FBXO47: variants seen among roughly 807,000 people sequenced by gnomAD.
The protein encoded by FBXO47 is F-box protein 47.
A neutral mutation model predicts 53.9 loss-of-function variants in FBXO47; 34 were observed. The observed-to-expected ratio is 0.63, with a 90% CI of 0.48 to 0.84. The LOEUF (loss-of-function observed/expected upper bound fraction) is 0.84, where lower values mean the gene tolerates loss of function less well. FBXO47 is among the 40% of genes least tolerant of loss of function. The probability of loss-of-function intolerance (pLI) is 0.00; values close to 1 mark genes in which losing one functional copy is unlikely to be tolerated. For synonymous variants in FBXO47, 165 were observed against 181.6 expected, an observed-to-expected ratio of 0.91 and a Z score of 0.73; for missense variants, 485 against 541.3, an observed-to-expected ratio of 0.90 and a Z score of 1.03.
At chr17:38,955,074 G>C (rs910403607) in intron 4 of FBXO47, 141 bp from the exon 5 acceptor site, 4 of 609,044 alleles carry the variant, frequency 6.6e-6, no homozygotes, top group South Asian at 4.6e-5. Context: ...TGGTTACATA[G>C]GTGGGGATTA....
intron 5 of FBXO47, among the ~76,000 whole-genome samples, 199 bp downstream of exon 5, chr17:38,954,656 AT>A (rs1344935899): frequency 6.6e-6 from 1 of 152,162 alleles, no homozygotes; most frequent in Admixed American, 6.6e-5. Context: ...AATGTCAAAC[AT>A]TTTTTACCAC....
intron 3 of FBXO47, among the ~76,000 whole-genome samples, chr17:38,958,753 C>T (rs1239626912): frequency 6.6e-6 from 1 of 152,052 alleles, no homozygotes; most frequent in Non-Finnish European, 1.5e-5. Flanking sequence ...CTACAGGAGT[C>T]TAACTTATTT....
chr17:38,957,313 A>G, intron 3 of FBXO47, 60 bp from the exon 4 acceptor site: 1 of 1,112,248 alleles, frequency 9.0e-7, no homozygotes, highest in Non-Finnish European at 1.4e-6. Flanking sequence ...ACATCAATAG[A>G]GCACAGAATA....
At chr17:38,950,398 T>C (rs1377903198) in intron 6 of FBXO47, among the ~76,000 whole-genome samples, 1 of 151,962 alleles carries the variant, frequency 6.6e-6, no homozygotes, top group Non-Finnish European at 1.5e-5. Context: ...TGTTTTTTTT[T>C]CTAAGATGGA....
intron 1 of FBXO47, among the ~76,000 whole-genome samples, chr17:38,963,580 A>G (rs1426515626): frequency 6.6e-6 from 1 of 152,182 alleles, no homozygotes; most frequent in African/African-American, 2.4e-5. Flanking sequence ...AGTTTTAAAT[A>G]AATAGAAAAA....
chr17:38,943,639 A>C lies in FBXO47; in HGVS notation c.891T>G (p.Thr297=). ...TAACATCATCTGCTGTCCACTCTTT[A>C]GTGCTAGCGTCATATAGTAACTTAA... ...DAIKLLYDAS[T]KEWTADDVIS... is the part of the protein sequence containing the mutation. Residue 297 remains threonine, a synonymous_variant, in exon 8 of 11, where the codon ACT becomes ACG. Coordinates refer to ENST00000378079, the MANE Select transcript of FBXO47 (RefSeq NM_001008777.3). The C allele has an allele frequency of 6.2e-7, 1 of 1,608,012 alleles. No homozygotes were observed. The highest frequency in any genetic ancestry group is 1.3e-5 in the African/African-American group (1 of 74,712).
At chr17:38,961,761 A>C (rs941612822) in intron 3 of FBXO47, 116 bp downstream of exon 3, 1 of 857,384 alleles carries the variant, frequency 1.2e-6, no homozygotes, top group Non-Finnish European at 1.8e-6. Flanking sequence ...ACATCATAGA[A>C]ACAGGCATAT....
intron 5 of FBXO47, among the ~76,000 whole-genome samples, chr17:38,952,041 A>C (rs1213036833): frequency 6.7e-6 from 1 of 150,040 alleles, no homozygotes; most frequent in Admixed American, 6.7e-5. Context: ...AAACAAACAA[A>C]ACAGGCCGGG....
intron 3 of FBXO47, among the ~76,000 whole-genome samples, chr17:38,961,608 T>G (rs1598149518): frequency 6.6e-6 from 1 of 152,330 alleles, no homozygotes; most frequent in African/African-American, 2.4e-5. Flanking sequence ...ATCAATTTCC[T>G]AACCTGATAA....
chr17:38,949,159 G>A (rs1439561522), intron 6 of FBXO47, among the ~76,000 whole-genome samples: 2 of 152,112 alleles, frequency 1.3e-5, no homozygotes, highest in African/African-American at 4.8e-5. Flanking sequence ...GCTCATGCCT[G>A]TAATTCCAGC....
At chr17:38,938,186 T>C (rs1442627566) in intron 10 of FBXO47, among the ~76,000 whole-genome samples, 1 of 152,232 alleles carries the variant, frequency 6.6e-6, no homozygotes, top group African/African-American at 2.4e-5. Context: ...AATTATCATG[T>C]TGGTTACTTA....
chr17:38,943,804 GAA>G, intron 7 of FBXO47, 68 bp from the exon 8 acceptor site: 1 of 1,381,662 alleles, frequency 7.2e-7, no homozygotes, highest in Non-Finnish European at 1.0e-6. Flanking sequence ...GTTTAAAAAG[GAA>G]AGTGAATTGC....
rs754120766 is a variant in FBXO47 at position 38,951,709 on chromosome 17, CAT to C, written c.508-22_508-21del. 6.5e-7 allele frequency: 1 copy of C among 1,546,266 alleles called. No individual in the cohort carries two copies. The highest frequency in any genetic ancestry group is 1.1e-5 in the South Asian group (1 of 88,966). On this transcript the variant is annotated intron_variant, in intron 5 of 10. Coordinates refer to ENST00000378079, the MANE Select transcript of FBXO47 (RefSeq NM_001008777.3). Reference sequence around the variant, plus strand: ...TAAGGTCTGAGGAAAATAAAGAAAACATTGTGGATATTCAGACTATCAAGTCA... The same window carrying C: ...TAAGGTCTGAGGAAAATAAAGAAAACTGTGGATATTCAGACTATCAAGTCA...
chr17:38,945,246 G>T (rs1049328277), intron 6 of FBXO47, 110 bp from the exon 7 acceptor site: 2 of 740,414 alleles, frequency 2.7e-6, no homozygotes, highest in South Asian at 1.9e-5. Context: ...AGTAAACTAG[G>T]TTTCTAAACA....
In FBXO47 at chr17:38,961,965, G is replaced by A. The variant is rs761097409; in HGVS notation, c.264C>T (p.Ser88=). ...GAAAGTCCTGTAGTAAAAGTCTTTTGCTTCCTGATGAGGTTGAGATATAAT... is the reference window on the plus strand; with the variant it reads ...GAAAGTCCTGTAGTAAAAGTCTTTTACTTCCTGATGAGGTTGAGATATAAT... ...IINYISTSSG[S]KRLLLQDFHN... is the part of the protein sequence containing the mutation. The change falls in exon 3 of 11, where the codon AGC becomes AGT. Residue 88 remains serine, a synonymous_variant. Transcript: ENST00000378079. The A allele has an allele frequency of 3.7e-6, 6 of 1,613,836 alleles. No individual in the cohort carries two copies. Among genetic ancestry groups the A allele is most frequent in the Non-Finnish European group, 5.1e-6 (6 of 1,179,828 alleles).
intron 4 of FBXO47, 125 bp downstream of exon 4, chr17:38,957,052 T>C: frequency 1.7e-6 from 1 of 592,692 alleles, no homozygotes; most frequent in Non-Finnish European, 2.9e-6. Context: ...TAGATTATAA[T>C]AAATCAATTT....
intron 5 of FBXO47, among the ~76,000 whole-genome samples, chr17:38,952,585 TTTTA>T (rs1323935335): frequency 6.6e-6 from 1 of 151,960 alleles, no homozygotes; most frequent in Non-Finnish European, 1.5e-5. Context: ...GAGATAACTT[TTTTA>T]TTTGTTTGTT....
At chr17:38,964,684 C>G (rs573213519) in intron 1 of FBXO47, among the ~76,000 whole-genome samples, 1 of 151,366 alleles carries the variant, frequency 6.6e-6, no homozygotes, top group Non-Finnish European at 1.5e-5. Context: ...AACAAACAAA[C>G]AAAAAATAAC....
At chr17:38,938,124 T>C (rs886339047) in intron 10 of FBXO47, among the ~76,000 whole-genome samples, 3 of 152,232 alleles carry the variant, frequency 2.0e-5, no homozygotes, top group African/African-American at 7.2e-5. Flanking sequence ...GAGACCTTGG[T>C]AAGTCAGGTA....
Sources: allele counts gnomAD v4.1 joint callset (sites outside exome capture counted in the v4.1 genomes callset), GRCh38; gene constraint gnomAD v4.1.1; transcripts MANE v1.5; gene names NCBI Gene and HGNC (gene_info 2026-07-23, HGNC 2026-07-21).